CPS1: variants seen among roughly 807,000 people sequenced by gnomAD.
CPS1 encodes carbamoyl-phosphate synthase [ammonia], mitochondrial.
CPS1 carries 109 observed loss-of-function variants against 174.6 expected under a neutral mutation model. The ratio of observed to expected loss-of-function variants is 0.62; its 90% CI spans 0.53 to 0.73. The LOEUF (loss-of-function observed/expected upper bound fraction) is 0.73. Among genes scored for constraint, CPS1 ranks in the 30% least tolerant of loss-of-function variants. The pLI, the probability that CPS1 is intolerant of heterozygous loss-of-function variation, is 0.00. For missense variants in CPS1, 1,689 were observed against 1,821.9 expected, an observed-to-expected ratio of 0.93 and a Z score of 1.33; for synonymous variants, 637 against 632.0, an observed-to-expected ratio of 1.01 and a Z score of -0.12.
At chr2:210,592,149 A>G (rs930022959) in intron 10 of CPS1, among the ~76,000 whole-genome samples, 180 bp downstream of exon 10, 30 of 152,080 alleles carry the variant, frequency 2.0e-4, no homozygotes, top group Middle Eastern at 3.2e-3. Context: ...ATTTCTTTGT[A>G]TTGAGAACAT....
intron 9 of CPS1, 40 bp from the exon 10 acceptor site, chr2:210,591,791 C>T (rs374466274): frequency 6.2e-7 from 1 of 1,602,668 alleles, no homozygotes; most frequent in African/African-American, 1.3e-5. Flanking sequence ...ATTCTCTTCA[C>T]TTTTCCTTTT....
chr2:210,556,323 C>G, upstream of CPS1: 1 of 458,600 alleles, frequency 2.2e-6, no homozygotes, highest in South Asian at 1.5e-5. Flanking sequence ...TAAGCAAAAG[C>G]CTGTGATCCT....
At chr2:210,610,552 G>A (rs988466935) in intron 19 of CPS1, among the ~76,000 whole-genome samples, 5 of 152,010 alleles carry the variant, frequency 3.3e-5, no homozygotes, top group South Asian at 2.1e-4. Context: ...TAGATGCTAT[G>A]AGAATATAGT....
Position 210,665,654 on chromosome 2 carries a change from C to A in CPS1, c.4002+2457C>A, listed in dbSNP as rs1249815891. Among the ~76,000 whole-genome samples, 3 of 151,898 alleles carry A rather than the reference C, an allele frequency of 2.0e-5. No individual in the cohort carries two copies. The East Asian group carries it at 5.8e-4, about 29-fold the overall frequency. Reference sequence around the variant, plus strand: ...TCCATGTCCCTACAAAGGACATGAACTCATCATTTTTTATGGCTGCATAGT... The same window carrying A: ...TCCATGTCCCTACAAAGGACATGAAATCATCATTTTTTATGGCTGCATAGT... On this transcript the variant is annotated intron_variant, in intron 33 of 37. Transcript: ENST00000233072.
At chr2:210,631,070 C>T (rs1344276938) in intron 21 of CPS1, among the ~76,000 whole-genome samples, 1 of 148,832 alleles carries the variant, frequency 6.7e-6, no homozygotes, top group Non-Finnish European at 1.5e-5. Context: ...AAACCCATTC[C>T]ATAATTGTAG....
At chr2:210,573,925 A>G (rs1376425277) in intron 2 of CPS1, among the ~76,000 whole-genome samples, 1 of 152,078 alleles carries the variant, frequency 6.6e-6, no homozygotes, top group African/African-American at 2.4e-5. Flanking sequence ...TCTTTAATCA[A>G]TGAGGGAGCA....
intron 25 of CPS1, among the ~76,000 whole-genome samples, chr2:210,646,849 A>C (rs1210569930): frequency 6.6e-6 from 1 of 152,130 alleles, no homozygotes; most frequent in African/African-American, 2.4e-5. Flanking sequence ...CTTCGACTGG[A>C]AATCTATTTC....
rs943123440 is a variant in CPS1 at position 210,497,312 on chromosome 2, T to C, written c.3+19546T>C. ...ACATGTTAATAAGCTGAATATGATATGTAAAATGTAATAAAATGTTAAAAA... is the reference window on the plus strand; with the variant it reads ...ACATGTTAATAAGCTGAATATGATACGTAAAATGTAATAAAATGTTAAAAA... On this transcript the variant is annotated intron_variant, in intron 1 of 38. Coordinates refer to the CPS1 transcript ENST00000430249. Among the ~76,000 whole-genome samples the C allele has an allele frequency of 2.0e-4, 30 of 152,302 alleles. 2 individuals are homozygous for C. Among genetic ancestry groups the C allele is most frequent in the African/African-American group, 7.0e-4 (29 of 41,570 alleles).
intron 1 of CPS1, among the ~76,000 whole-genome samples, chr2:210,501,440 T>C (rs1226763082): frequency 6.6e-6 from 1 of 152,148 alleles, no homozygotes; most frequent in African/African-American, 2.4e-5. Flanking sequence ...CCAAACCATA[T>C]CTTTGTGAAT....
In CPS1 at chr2:210,656,563, A is replaced by C. The variant is rs2105917877; in HGVS notation, c.3597A>C (p.Ala1199=). ...CCATCTCTGAACATGTTGAAGATGC[A>C]GGTGTCCACTCGGGAGATGCCACTC... is the stretch of plus-strand genomic sequence containing the variant. ...SHAISEHVED[A]GVHSGDATLM... is the part of the protein sequence containing the mutation. Residue 1199 remains alanine (A), a synonymous_variant, in exon 30 of 38, where the codon GCA becomes GCC. Transcript: ENST00000233072. 6.2e-7 allele frequency: 1 copy of C among 1,609,348 alleles called. No individual in the cohort carries two copies. Among genetic ancestry groups the C allele is most frequent in the East Asian group, 2.2e-5 (1 of 44,736 alleles).
At chr2:210,535,819 G>GTTTTTTTT (rs67369344) in intron 1 of CPS1, among the ~76,000 whole-genome samples, 14 of 118,172 alleles carry the variant, frequency 1.2e-4, no homozygotes, top group East Asian at 2.5e-4. Flanking sequence ...CTTTTTCCTT[G>GTTTTTTTT]TTTTTTTTTT....
intron 1 of CPS1, among the ~76,000 whole-genome samples, chr2:210,548,595 T>TAGTA (rs1303112917): frequency 6.6e-6 from 1 of 152,044 alleles, no homozygotes; most frequent in Admixed American, 6.6e-5. Context: ...GACTAATTGT[T>TAGTA]AGTAGTTTGT....
At chr2:210,607,916 T>C (rs1698975114) in intron 18 of CPS1, among the ~76,000 whole-genome samples, 1 of 151,876 alleles carries the variant, frequency 6.6e-6, no homozygotes, top group African/African-American at 2.4e-5. Flanking sequence ...ATGCCTACAT[T>C]TTCTGACCAT....
intron 1 of CPS1, among the ~76,000 whole-genome samples, chr2:210,483,304 C>T (rs1370737289): frequency 1.3e-5 from 2 of 152,146 alleles, no homozygotes; most frequent in Non-Finnish European, 2.9e-5. Context: ...TTCCTAATAA[C>T]AGCATCTACT....
At chr2:210,546,753 T>G (rs1696575043) in intron 1 of CPS1, among the ~76,000 whole-genome samples, 1 of 152,164 alleles carries the variant, frequency 6.6e-6, no homozygotes, top group Non-Finnish European at 1.5e-5. Context: ...TTATATGATC[T>G]TTGGCACTAT....
At chr2:210,603,702 C>G (rs1408606250) in intron 16 of CPS1, among the ~76,000 whole-genome samples, 2 of 151,724 alleles carry the variant, frequency 1.3e-5, no homozygotes, top group African/African-American at 4.8e-5. Context: ...AATGAAATAG[C>G]TTTCAATTAT....
intron 13 of CPS1, among the ~76,000 whole-genome samples, 160 bp downstream of exon 13, chr2:210,595,742 C>G (rs773075147): frequency 6.6e-6 from 1 of 151,864 alleles, no homozygotes; most frequent in Non-Finnish European, 1.5e-5. Context: ...AGCTTGATCA[C>G]GAGCAAGAAT....
intron 1 of CPS1, among the ~76,000 whole-genome samples, chr2:210,502,513 A>T (rs901648066): frequency 6.7e-6 from 1 of 148,300 alleles, no homozygotes; most frequent in Non-Finnish European, 1.5e-5. Flanking sequence ...TATATTTTTT[A>T]TATATATATA....
At chr2:210,587,537 A>G (rs939689141) in intron 6 of CPS1, among the ~76,000 whole-genome samples, 1 of 151,806 alleles carries the variant, frequency 6.6e-6, no homozygotes, top group African/African-American at 2.4e-5. Context: ...CTGGTGGTCT[A>G]TACCTGCTTA....
Sources: allele counts gnomAD v4.1 joint callset (sites outside exome capture counted in the v4.1 genomes callset), GRCh38; gene constraint gnomAD v4.1.1; transcripts MANE v1.5; gene names NCBI Gene and HGNC (gene_info 2026-07-23, HGNC 2026-07-21).